The following METTL15 variants were observed in gnomAD, a reference collection of about 807,000 sequenced individuals.
METTL15 encodes 12S rRNA N(4)-cytidine methyltransferase METTL15.
METTL15 carries 34 observed loss-of-function variants against 38.3 expected under a neutral mutation model. The observed-to-expected ratio is 0.89, with a 90% CI of 0.68 to 1.18. METTL15 has a LOEUF of 1.18. METTL15 is among the 50% of genes most tolerant of loss of function. The pLI is 0.00. For synonymous variants in METTL15, 162 were observed against 170.9 expected, an observed-to-expected ratio of 0.95 and a Z score of 0.41; for missense variants, 438 against 498.4, an observed-to-expected ratio of 0.88 and a Z score of 1.15.
chr11:28,325,069 C>G (rs1373208403), intron 6 of METTL15, among the ~76,000 whole-genome samples: 1 of 152,102 alleles, frequency 6.6e-6, no homozygotes, highest in Non-Finnish European at 1.5e-5. Context: ...TGTCCTGGCT[C>G]CCCTCTCTCT....
intron 5 of METTL15, among the ~76,000 whole-genome samples, chr11:28,389,934 T>A (rs1180792403): frequency 1.3e-5 from 2 of 152,152 alleles, no homozygotes; most frequent in African/African-American, 2.4e-5. Context: ...CTAACTGGTA[T>A]GAGATGGTAT....
chr11:28,442,048 A>T (rs988655397), intron 6 of METTL15, among the ~76,000 whole-genome samples: 8 of 152,330 alleles, frequency 5.3e-5, no homozygotes, highest in Middle Eastern at 3.4e-3. Context: ...CCTTTTAGAT[A>T]AGTTAAAATT....
intron 6 of METTL15, among the ~76,000 whole-genome samples, chr11:28,305,700 A>G (rs1397001370): frequency 6.6e-6 from 1 of 152,144 alleles, no homozygotes; most frequent in Non-Finnish European, 1.5e-5. Context: ...TCTTGTGATA[A>G]ATGCTATAAA....
chr11:28,147,229 T>G lies in METTL15; in HGVS notation c.270+33625T>G, dbSNP rs1050004605. Among the ~76,000 whole-genome samples, 9 of 151,998 alleles carry G rather than the reference T, an allele frequency of 5.9e-5. No individual in the cohort carries two copies. The South Asian group carries it at 1.9e-3, about 31-fold the overall frequency. Reference sequence around the variant, plus strand: ...ATAATCAAATGTGAATCTTGAAGCCTCAACAATATCTGTATAATAAACACC... The same window carrying G: ...ATAATCAAATGTGAATCTTGAAGCCGCAACAATATCTGTATAATAAACACC... On this transcript the variant is annotated intron_variant, in intron 3 of 6. Transcript: ENST00000407364.
At chr11:28,183,907 G>C (rs754534881) in intron 3 of METTL15, among the ~76,000 whole-genome samples, 48 of 151,888 alleles carry the variant, frequency 3.2e-4, no homozygotes, top group Non-Finnish European at 5.6e-4. Context: ...TTGGTTGGTA[G>C]GCTGTTAATT....
chr11:28,128,817 TATTCTGACC>T (rs1333047114), intron 3 of METTL15, among the ~76,000 whole-genome samples: 4 of 152,168 alleles, frequency 2.6e-5, no homozygotes, highest in Non-Finnish European at 5.9e-5. Context: ...TGATTTGGGA[TATTCTGACC>T]ATCAACTAAA....
intron 4 of METTL15, among the ~76,000 whole-genome samples, chr11:28,279,130 C>T (rs1855953050): frequency 6.6e-6 from 1 of 152,092 alleles, no homozygotes; most frequent in Non-Finnish European, 1.5e-5. Context: ...CCCAGCTGGC[C>T]TTAGTTTGTC....
intron 6 of METTL15, among the ~76,000 whole-genome samples, chr11:28,440,568 A>G (rs137924306): frequency 0.01 from 1,572 of 152,342 alleles, 17 homozygotes; most frequent in Middle Eastern, 0.044. Context: ...CCTTATTAAG[A>G]CTATTTTTAA....
In METTL15 at chr11:28,221,213, T is replaced by G. The variant is rs1853200943; in HGVS notation, c.407+10015T>G. On this transcript the variant is annotated intron_variant, in intron 4 of 6. Coordinates refer to ENST00000407364, the MANE Select transcript of METTL15 (RefSeq NM_001113528.2). ...TCAGGTACACCAATCAGATGTAGAT[T>G]TGGTCTTTTCACATAGTCCCATATT... Among the ~76,000 whole-genome samples the G allele has an allele frequency of 2.6e-5, 4 of 152,290 alleles. No individual in the cohort carries two copies. The South Asian group carries it at 8.3e-4, about 32-fold the overall frequency.
In METTL15 at chr11:28,333,293, AAAAT is replaced by A. The variant is rs1337218420; in HGVS notation, c.*2457_*2460del. On this transcript the variant is annotated 3_prime_UTR_variant, in exon 7 of 7. Coordinates refer to ENST00000407364, the MANE Select transcript of METTL15 (RefSeq NM_001113528.2). ...ATTGGTTTCAAAATGTTTTCATGTA[AAAAT>A]AAATTAACTTTTCTGTAATTAGATT... The A allele has an allele frequency of 6.6e-6, 1 of 152,154 alleles. No homozygotes were observed. Among genetic ancestry groups the A allele is most frequent in the African/African-American group, 2.4e-5 (1 of 41,432 alleles). 9.4% of individuals were successfully genotyped at this position (152,154 alleles called of 1,614,324 possible).
At chr11:28,252,139 C>T (rs1854771889) in intron 4 of METTL15, among the ~76,000 whole-genome samples, 1 of 152,082 alleles carries the variant, frequency 6.6e-6, no homozygotes, top group Non-Finnish European at 1.5e-5. Flanking sequence ...TGAACAACAA[C>T]AAAAATGTCT....
intron 6 of METTL15, among the ~76,000 whole-genome samples, chr11:28,312,799 T>G (rs1338320793): frequency 6.6e-6 from 1 of 152,112 alleles, no homozygotes; most frequent in Admixed American, 6.6e-5. Flanking sequence ...CATCCTCTTC[T>G]CAGGAGTTCA....
intron 3 of METTL15, among the ~76,000 whole-genome samples, chr11:28,167,873 T>C (rs929098950): frequency 5.9e-5 from 9 of 152,132 alleles, no homozygotes; most frequent in African/African-American, 1.9e-4. Flanking sequence ...AACTTTTTTA[T>C]TGAGGTTCTT....
intron 3 of METTL15, among the ~76,000 whole-genome samples, chr11:28,192,950 AAT>A (rs1267688756): frequency 6.6e-6 from 1 of 152,074 alleles, no homozygotes; most frequent in Non-Finnish European, 1.5e-5. Flanking sequence ...ACTTTTTCAT[AAT>A]ATTGCATTAT....
chr11:28,112,936 C>G (rs559513616), intron 2 of METTL15, among the ~76,000 whole-genome samples: 1 of 152,244 alleles, frequency 6.6e-6, no homozygotes, highest in Admixed American at 6.5e-5. Flanking sequence ...ATCCTGATTA[C>G]TTTTCAAATA....
chr11:28,409,927 A>G (rs894943060), intron 5 of METTL15, among the ~76,000 whole-genome samples: 1 of 152,142 alleles, frequency 6.6e-6, no homozygotes, highest in African/African-American at 2.4e-5. Flanking sequence ...AGAAATGAAA[A>G]TGGAGACATT....
intron 5 of METTL15, among the ~76,000 whole-genome samples, chr11:28,295,282 G>T (rs901957765): frequency 5.9e-5 from 9 of 152,014 alleles, no homozygotes; most frequent in African/African-American, 1.7e-4. Context: ...AAAAATTGAG[G>T]TTCTAATAGG....
chr11:28,281,581 G>A (rs1023191549), intron 4 of METTL15, among the ~76,000 whole-genome samples: 6 of 152,172 alleles, frequency 3.9e-5, no homozygotes, highest in African/African-American at 1.2e-4. Context: ...CTCTCTGGAA[G>A]AGTTGGTCTG....
intron 3 of METTL15, 83 bp from the exon 4 acceptor site, chr11:28,210,979 G>C: frequency 7.3e-7 from 1 of 1,371,410 alleles, no homozygotes. Flanking sequence ...GAAAATCATT[G>C]TGTGCTTCTA....
Sources: allele counts gnomAD v4.1 joint callset (sites outside exome capture counted in the v4.1 genomes callset), GRCh38; gene constraint gnomAD v4.1.1; transcripts MANE v1.5; gene names NCBI Gene and HGNC (gene_info 2026-07-23, HGNC 2026-07-21).